TRPM3: variants seen among roughly 807,000 people sequenced by gnomAD.
TRPM3 encodes transient receptor potential cation channel subfamily M member 3, also known as long transient receptor potential channel 3.
A neutral mutation model predicts 181.2 loss-of-function variants in TRPM3; 77 were observed. That is an observed-to-expected ratio of 0.42 (90% CI 0.35 to 0.51). The LOEUF (loss-of-function observed/expected upper bound fraction) is 0.51. TRPM3 is among the 20% of genes least tolerant of loss of function. TRPM3 has a pLI of 0.01. For synonymous variants in TRPM3, 745 were observed against 796.4 expected, an observed-to-expected ratio of 0.94 and a Z score of 1.09; for missense variants, 1,759 against 2,196.7, an observed-to-expected ratio of 0.80 and a Z score of 3.98.
At chr9:70,792,661 C>CACAGAG (rs2085779881) in intron 6 of TRPM3, among the ~76,000 whole-genome samples, 1 of 147,076 alleles carries the variant, frequency 6.8e-6, no homozygotes, top group Non-Finnish European at 1.5e-5. Flanking sequence ...GACAGAAAGA[C>CACAGAG]AGAGAGAGAG....
At chr9:70,670,785 G>C (rs1190076317) in intron 9 of TRPM3, among the ~76,000 whole-genome samples, 2 of 152,176 alleles carry the variant, frequency 1.3e-5, no homozygotes, top group Non-Finnish European at 2.9e-5. Context: ...GCAGAGTAGA[G>C]TGTCCGCCCT....
intron 1 of TRPM3, among the ~76,000 whole-genome samples, chr9:71,310,397 A>G (rs1394746611): frequency 6.6e-6 from 1 of 152,096 alleles, no homozygotes; most frequent in Non-Finnish European, 1.5e-5. Flanking sequence ...AAATCTAGAG[A>G]AAGAAGTGGG....
At chr9:71,354,984 T>G (rs950406299) in intron 1 of TRPM3, among the ~76,000 whole-genome samples, 132 of 152,364 alleles carry the variant, frequency 8.7e-4, no homozygotes, top group African/African-American at 3.1e-3. Flanking sequence ...ACATCTATAG[T>G]CAGATCTTTC....
intron 1 of TRPM3, among the ~76,000 whole-genome samples, chr9:70,911,427 C>T (rs1422818280): frequency 1.3e-5 from 2 of 152,102 alleles, no homozygotes; most frequent in African/African-American, 4.8e-5. Flanking sequence ...AAAATCATGC[C>T]TCAAATATGA....
At chr9:71,273,820 T>C (rs2083984812) in intron 1 of TRPM3, among the ~76,000 whole-genome samples, 1 of 152,200 alleles carries the variant, frequency 6.6e-6, no homozygotes, top group Admixed American at 6.5e-5. Context: ...TTATGAAATC[T>C]GTTCTTTAGG....
At chr9:71,172,341 G>T (rs962068036) in intron 1 of TRPM3, among the ~76,000 whole-genome samples, 2 of 152,130 alleles carry the variant, frequency 1.3e-5, no homozygotes, top group Non-Finnish European at 2.9e-5. Context: ...AAAACAAACA[G>T]AATAAATGTC....
chr9:70,686,379 G>C (rs2066765626), intron 8 of TRPM3, among the ~76,000 whole-genome samples: 1 of 152,146 alleles, frequency 6.6e-6, no homozygotes, highest in Admixed American at 6.6e-5. Flanking sequence ...ATGCACATGG[G>C]TGAGTATATC....
Position 70,830,515 on chromosome 9 carries a change from T to G in TRPM3, c.802-2497A>C, listed in dbSNP as rs80105017. Among the ~76,000 whole-genome samples the G allele has an allele frequency of 4.2e-4, 64 of 152,340 alleles. No homozygotes were observed. In the East Asian group the frequency reaches 7.7e-3, roughly 18 times the overall value. On this transcript the variant is annotated intron_variant, in intron 5 of 25. Transcript: ENST00000677713. ...AATTTCTTCATCTTACTGATCCCTA[T>G]TTCTTTTGATCTTATGTGGAAGCCA... is the stretch of plus-strand genomic sequence containing the variant.
At position 70,603,331 on chromosome 9, in the gene TRPM3, A is replaced by C; in HGVS notation, c.2796+11T>G. 6.2e-7 allele frequency: 1 copy of C among 1,609,312 alleles called. No homozygotes were observed. Among genetic ancestry groups the C allele is most frequent in the Non-Finnish European group, 8.5e-7 (1 of 1,177,856 alleles). On this transcript the variant is annotated intron_variant, in intron 20 of 25. Coordinates refer to ENST00000677713, the MANE Select transcript of TRPM3 (RefSeq NM_001366145.2). ...TCTTTCTCTTACGTTTTCTTTTATA[A>C]AAGCCGTTACCTCTCTCATCTTTTC...
intron 1 of TRPM3, among the ~76,000 whole-genome samples, chr9:71,182,606 C>T (rs906162619): frequency 6.6e-6 from 1 of 152,122 alleles, no homozygotes; most frequent in Non-Finnish European, 1.5e-5. Context: ...TCAAATTCAA[C>T]ATAATAAAAC....
intron 1 of TRPM3, among the ~76,000 whole-genome samples, chr9:71,256,372 C>T: frequency 6.6e-6 from 1 of 152,034 alleles, no homozygotes; most frequent in Non-Finnish European, 1.5e-5. Flanking sequence ...TTTCTTAGTA[C>T]CAACTATGTG....
At chr9:71,037,968 C>T (rs1034397754) in intron 1 of TRPM3, among the ~76,000 whole-genome samples, 1 of 152,180 alleles carries the variant, frequency 6.6e-6, no homozygotes, top group Non-Finnish European at 1.5e-5. Flanking sequence ...TTTTTATATA[C>T]TTTTATTTTC....
At chr9:71,319,874 T>C (rs886492151) in intron 1 of TRPM3, among the ~76,000 whole-genome samples, 3 of 152,118 alleles carry the variant, frequency 2.0e-5, no homozygotes, top group Non-Finnish European at 4.4e-5. Context: ...TCTGAGCCAT[T>C]CTTGCTGGTT....
intron 1 of TRPM3, among the ~76,000 whole-genome samples, chr9:71,370,085 G>A (rs879688562): frequency 1.6e-4 from 24 of 152,144 alleles, no homozygotes; most frequent in South Asian, 4.2e-4. Flanking sequence ...TGATAAATTC[G>A]TGTGTTCTGA....
chr9:71,400,377 T>C (rs80197395), intron 1 of TRPM3, among the ~76,000 whole-genome samples: 2,206 of 152,320 alleles, frequency 0.014, 25 homozygotes, highest in Non-Finnish European at 0.02. Flanking sequence ...ATTTTGGTAT[T>C]ATACTCAAAG....
intron 1 of TRPM3, among the ~76,000 whole-genome samples, chr9:71,428,295 C>G (rs1236052172): frequency 6.7e-6 from 1 of 148,698 alleles, no homozygotes; most frequent in Admixed American, 6.7e-5. Context: ...GGGGTTTCAC[C>G]AAGTTGGCCA....
In TRPM3 at chr9:71,121,249, G is replaced by A. The variant is rs2073592897; in HGVS notation, c.106C>T (p.Pro36Ser). The change falls in exon 1 of 26, where the codon CCT (proline) becomes TCT (serine). Residue 36 changes from proline (P) to serine (S), a missense_variant. Physicochemically the swap from Pro to Ser is moderately conservative, Grantham distance 74. This residue lies in a region of TRPM3 where 737 missense variants were observed against 957.4 expected (regional missense o/e 0.77). Coordinates refer to ENST00000677713, the MANE Select transcript of TRPM3 (RefSeq NM_001366145.2). ...LEGVMNQADA[P>S]RPLNWTIRKL... ...CGGATGGTCCAGTTTAGGGGTCGAG[G>A]AGCATCAGCCTGATTCATGACCCCT... 1.2e-5 allele frequency: 20 copies of A among 1,614,134 alleles called. No homozygotes were observed. Among genetic ancestry groups the A allele is most frequent in the Non-Finnish European group, 1.6e-5 (19 of 1,180,004 alleles).
chr9:71,430,790 G>A (rs756593436), intron 1 of TRPM3, among the ~76,000 whole-genome samples: 3 of 152,066 alleles, frequency 2.0e-5, no homozygotes, highest in Non-Finnish European at 2.9e-5. Flanking sequence ...CAACCTGGGT[G>A]AGAGAGCGAG....
intron 1 of TRPM3, among the ~76,000 whole-genome samples, chr9:71,380,939 ACAAAATGAAGACGACG>A (rs2092785565): frequency 1.3e-5 from 2 of 152,072 alleles, no homozygotes; most frequent in African/African-American, 4.8e-5. Context: ...GAAGACGACG[ACAAAATGAAGACGACG>A]ACAAAATGAA....
Sources: allele counts gnomAD v4.1 joint callset (sites outside exome capture counted in the v4.1 genomes callset), GRCh38; gene constraint gnomAD v4.1.1; regional missense constraint gnomAD v4.1.1; transcripts MANE v1.5; gene names NCBI Gene and HGNC (gene_info 2026-07-23, HGNC 2026-07-21).